LARGE1: variants seen among roughly 807,000 people sequenced by gnomAD.
LARGE1 encodes xylosyl- and glucuronyltransferase LARGE1.
LARGE1 carries 43 observed loss-of-function variants against 87.6 expected under a neutral mutation model. That is an observed-to-expected ratio of 0.49 (90% CI 0.38 to 0.63). The LOEUF is 0.63. Ranked by LOEUF, LARGE1 falls within the 30% of genes least tolerant of loss-of-function variation. The pLI is 0.00. For missense variants in LARGE1, 802 were observed against 1,000.2 expected (o/e 0.80, Z 2.67); for synonymous variants, 434 against 394.6 (o/e 1.10, Z -1.18).
intron 9 of LARGE1, among the ~76,000 whole-genome samples, chr22:33,355,229 A>C (rs751090479): frequency 1.3e-5 from 2 of 152,140 alleles, no homozygotes; most frequent in Non-Finnish European, 2.9e-5. Flanking sequence ...TAGCACCTTC[A>C]TTTCTGACCT....
chr22:33,857,225 A>T (rs1035389234), intron 1 of LARGE1, among the ~76,000 whole-genome samples: 2 of 152,198 alleles, frequency 1.3e-5, no homozygotes, highest in African/African-American at 2.4e-5. Flanking sequence ...GCCTAAAAGA[A>T]CATCTTTAAG....
chr22:33,079,938 T>A, the LARGE1 span, among the ~76,000 whole-genome samples: 1 of 152,180 alleles, frequency 6.6e-6, no homozygotes, highest in Admixed American at 6.5e-5. Flanking sequence ...AAGAGAGCTA[T>A]CAGGGGGACT....
chr22:33,580,585 G>A (rs2078488788), intron 5 of LARGE1, among the ~76,000 whole-genome samples: 1 of 152,122 alleles, frequency 6.6e-6, no homozygotes, highest in Non-Finnish European at 1.5e-5. Context: ...TTTACCACAT[G>A]GCATCAGTTG....
intron 1 of LARGE1, among the ~76,000 whole-genome samples, chr22:33,781,944 T>C (rs977827139): frequency 6.6e-6 from 1 of 152,096 alleles, no homozygotes; most frequent in East Asian, 1.9e-4. Flanking sequence ...TGTGTGTATA[T>C]ACATATATAT....
intron 9 of LARGE1, among the ~76,000 whole-genome samples, chr22:33,346,459 C>A (rs1203549341): frequency 6.6e-6 from 1 of 152,082 alleles, no homozygotes; most frequent in Non-Finnish European, 1.5e-5. Flanking sequence ...TGCGCCGCCA[C>A]GCCTGGCTAT....
At chr22:33,586,236 A>G (rs1019281376) in intron 5 of LARGE1, among the ~76,000 whole-genome samples, 1 of 152,128 alleles carries the variant, frequency 6.6e-6, no homozygotes, top group African/African-American at 2.4e-5. Flanking sequence ...CTCCAAAATG[A>G]CCTAAGTAAA....
At chr22:33,171,375 T>C (rs9609731) in intron 11 of LARGE1, among the ~76,000 whole-genome samples, 5,349 of 152,262 alleles carry the variant, frequency 0.035, 131 homozygotes, top group Non-Finnish European at 0.05. Flanking sequence ...GAAACTTGCA[T>C]AAATAATGAG....
intron 8 of LARGE1, among the ~76,000 whole-genome samples, chr22:33,382,289 T>C (rs182261574): frequency 3.9e-5 from 6 of 152,250 alleles, no homozygotes; most frequent in Admixed American, 2.0e-4. Flanking sequence ...GCTGGTCTCA[T>C]AAGGCCCTAT....
chr22:33,681,414 G>A (rs1257495592), intron 2 of LARGE1, among the ~76,000 whole-genome samples: 2 of 152,144 alleles, frequency 1.3e-5, no homozygotes, highest in Non-Finnish European at 2.9e-5. Flanking sequence ...TATTAACCCT[G>A]TATCCTTAGG....
At chr22:33,552,381 ACAGT>A (rs1476333111) in intron 6 of LARGE1, among the ~76,000 whole-genome samples, 26 of 152,120 alleles carry the variant, frequency 1.7e-4, no homozygotes, top group East Asian at 5.8e-4. Flanking sequence ...CAGGAAACAG[ACAGT>A]CAGTCTCCAC....
intron 11 of LARGE1, among the ~76,000 whole-genome samples, chr22:33,168,472 A>G (rs1045364141): frequency 2.0e-5 from 3 of 152,250 alleles, no homozygotes; most frequent in African/African-American, 7.2e-5. Flanking sequence ...TCAAATGCAG[A>G]TCAAAAAGTC....
intron 1 of LARGE1, among the ~76,000 whole-genome samples, chr22:33,833,065 CA>C (rs2063017553): frequency 6.6e-6 from 1 of 152,182 alleles, no homozygotes. Flanking sequence ...GGGTGGCAGT[CA>C]ACTCCAGAAC....
At chr22:33,476,632 T>C (rs2069091756) in intron 6 of LARGE1, among the ~76,000 whole-genome samples, 1 of 152,214 alleles carries the variant, frequency 6.6e-6, no homozygotes, top group South Asian at 2.1e-4. Context: ...CTCAGATACT[T>C]TGGGTTCATA....
At chr22:33,076,141 T>C in the LARGE1 span, among the ~76,000 whole-genome samples, 3 of 152,178 alleles carry the variant, frequency 2.0e-5, no homozygotes, top group Admixed American at 2.0e-4. Flanking sequence ...ACTTCAAAAA[T>C]ATTAGGAAAC....
At chr22:33,538,190 G>T (rs553611115) in intron 6 of LARGE1, among the ~76,000 whole-genome samples, 1 of 152,264 alleles carries the variant, frequency 6.6e-6, no homozygotes, top group African/African-American at 2.4e-5. Context: ...TCAAAGCCCA[G>T]CTCTAGTGCT....
chr22:33,556,554 G>GGGAA (rs2077689434), intron 6 of LARGE1, among the ~76,000 whole-genome samples: 2 of 83,770 alleles, frequency 2.4e-5, no homozygotes, highest in African/African-American at 6.6e-5. Flanking sequence ...GAGGGAGGGA[G>GGGAA]GGAGGGAGGG....
intron 6 of LARGE1, among the ~76,000 whole-genome samples, chr22:33,449,036 T>C (rs1244294863): frequency 6.6e-6 from 1 of 152,252 alleles, no homozygotes; most frequent in East Asian, 1.9e-4. Flanking sequence ...CTTCTTGTAC[T>C]TGGCATGATG....
At chr22:33,547,447 C>G (rs2077392464) in intron 6 of LARGE1, among the ~76,000 whole-genome samples, 2 of 152,160 alleles carry the variant, frequency 1.3e-5, no homozygotes, top group Non-Finnish European at 2.9e-5. Context: ...TAACAGGACA[C>G]AGACCACACC....
At chr22:33,619,007 C>T (rs1323464346) in intron 4 of LARGE1, among the ~76,000 whole-genome samples, 1 of 152,190 alleles carries the variant, frequency 6.6e-6, no homozygotes, top group African/African-American at 2.4e-5. Flanking sequence ...GCCTTGAGCT[C>T]AGCTATATTG....
Sources: gnomAD v4.1 joint callset for allele counts (sites outside exome capture counted in the v4.1 genomes callset) on GRCh38, gnomAD v4.1.1 for gene constraint, MANE v1.5 for transcripts, NCBI Gene and HGNC (gene_info 2026-07-23, HGNC 2026-07-21) for gene names.